Variants in VAPA observed in about 807,000 individuals in gnomAD.
VAPA encodes vesicle-associated membrane protein-associated protein A.
Under a neutral mutation model 25.6 loss-of-function variants are expected in VAPA, and 6 were observed. The observed-to-expected ratio is 0.23, with a 90% CI of 0.13 to 0.46. The LOEUF is 0.46. VAPA is among the 20% of genes least tolerant of loss of function. The pLI is 0.99. For missense variants in VAPA, 244 were observed against 302.1 expected (o/e 0.81, Z 1.43); for synonymous variants, 112 against 106.2 (o/e 1.05, Z -0.34).
intron 2 of VAPA, among the ~76,000 whole-genome samples, chr18:9,935,383 G>A (rs1364794049): frequency 6.6e-6 from 1 of 152,124 alleles, no homozygotes; most frequent in Admixed American, 6.5e-5. Context: ...ACCAGCCTGG[G>A]CAAAATGACG....
chr18:9,944,954 G>A, intron 4 of VAPA: 2 of 1,614,154 alleles, frequency 1.2e-6, no homozygotes, highest in Non-Finnish European at 1.7e-6. Context: ...TGCTCCGACT[G>A]TCACTTCAAT....
Position 9,959,215 on chromosome 18 carries a change from A to C in VAPA, c.*5004A>C, listed in dbSNP as rs1215884858. ...ATAGTTTGTGTCCTGGTCCAAGTCA[A>C]ATATTGACTCCTCACAAACAGTAAG... On this transcript the variant is annotated 3_prime_UTR_variant, in exon 6 of 6. Transcript: ENST00000400000. 3 of 152,170 alleles carry C rather than the reference A, an allele frequency of 2.0e-5. No individual in the cohort carries two copies. Among genetic ancestry groups the C allele is most frequent in the African/African-American group, 7.2e-5 (3 of 41,442 alleles). The allele number at this position is 152,170 out of a possible 1,614,324, so 9.4% of individuals were successfully genotyped here. A position where few individuals can be genotyped will look rare whatever the true frequency, so the allele number is the denominator to read the frequency against.
intron 4 of VAPA, among the ~76,000 whole-genome samples, chr18:9,944,712 C>T (rs1333957223): frequency 6.6e-6 from 1 of 152,182 alleles, no homozygotes; most frequent in African/African-American, 2.4e-5. Context: ...TAGATTATAA[C>T]TAATTTTGTT....
chr18:9,917,384 G>A (rs192976832), intron 1 of VAPA, among the ~76,000 whole-genome samples: 7 of 152,066 alleles, frequency 4.6e-5, no homozygotes, highest in Admixed American at 3.9e-4. Flanking sequence ...TCTGCCTCCC[G>A]GGTTCAAGCA....
Position 9,936,971 on chromosome 18 carries a change from T to A in VAPA, c.337-15T>A. ...ATACCTCCTATGTCTCATGTTTGGT[T>A]TTGTTTATTTTTAGTGGAAAGAGGC... On this transcript the variant is annotated splice_polypyrimidine_tract_variant and intron_variant, in intron 3 of 5. Transcript: ENST00000400000. 9 of 1,611,790 alleles carry A rather than the reference T, an allele frequency of 5.6e-6. No homozygotes were observed. Among genetic ancestry groups the A allele is most frequent in the Non-Finnish European group, 7.6e-6 (9 of 1,178,120 alleles).
chr18:9,930,337 C>G (rs1599103199), intron 1 of VAPA, among the ~76,000 whole-genome samples: 1 of 152,002 alleles, frequency 6.6e-6, no homozygotes, highest in Non-Finnish European at 1.5e-5. Flanking sequence ...ATGTTAAAGT[C>G]CTAGTCAAAA....
At position 9,914,287 on chromosome 18, in the gene VAPA, C is replaced by A; in HGVS notation, c.31C>A (p.His11Asn). Residue 11 changes from histidine to asparagine, a missense_variant, in exon 1 of 6, where the codon CAC (histidine) becomes AAC (asparagine). By Grantham distance (68) the His-to-Asn change is moderately conservative. Transcript: ENST00000400000. MASASGAMAK[H>N]EQILVLDPPT... ...GTCCGCCTCAGGGGCCATGGCGAAG[C>A]ACGAGCAGATCCTGGTCCTCGATCC... 6.3e-7 allele frequency: 1 copy of A among 1,592,212 alleles called. No individual in the cohort carries two copies. The highest frequency in any genetic ancestry group is 2.4e-5 in the East Asian group (1 of 41,494).
chr18:9,926,573 G>C (rs1325581316), intron 1 of VAPA, among the ~76,000 whole-genome samples: 1 of 152,108 alleles, frequency 6.6e-6, no homozygotes, highest in Non-Finnish European at 1.5e-5. Flanking sequence ...TTATATTTGT[G>C]TTGTTTTCCT....
rs1269675910 is a variant in VAPA, at chr18:9,959,306, T to C, written c.*5095T>C. On this transcript the variant is annotated 3_prime_UTR_variant, in exon 6 of 6. Transcript: ENST00000400000. ...AGTACTATTATTTGTGAAATGTCTT[T>C]AAGATTTTTGGTCTTAAATTTTTGA... The C allele has an allele frequency of 6.6e-6, 1 of 152,210 alleles. No homozygotes were observed. The highest frequency in any genetic ancestry group is 1.5e-5 in the Non-Finnish European group (1 of 68,030). 9.4% of individuals were successfully genotyped at this position (152,210 alleles called of 1,614,324 possible).
At chr18:9,944,065 G>A (rs1001629155) in intron 4 of VAPA, among the ~76,000 whole-genome samples, 2 of 151,504 alleles carry the variant, frequency 1.3e-5, no homozygotes, top group African/African-American at 4.8e-5. Context: ...GTTTCACCGT[G>A]GTGTCAATCT....
At position 9,958,741 on chromosome 18, in the gene VAPA, A is replaced by T. The variant is rs1015724129; in HGVS notation, c.*4530A>T. On this transcript the variant is annotated 3_prime_UTR_variant, in exon 6 of 6. Coordinates refer to ENST00000400000, the MANE Select transcript of VAPA (RefSeq NM_194434.3). ...TACTTATTTTTCTTTAAACTGCAGG[A>T]GTCACTGTTAGGTATTGCTTAAAAA... 1 of 152,190 alleles carries T rather than the reference A, an allele frequency of 6.6e-6. No homozygotes were observed. The highest frequency in any genetic ancestry group is 1.5e-5 in the Non-Finnish European group (1 of 68,042). The allele number at this position is 152,190 out of a possible 1,614,324, so 9.4% of individuals were successfully genotyped here.
rs1171060739 is a variant in VAPA at position 9,955,812 on chromosome 18, C to G, written c.*1601C>G. On this transcript the variant is annotated 3_prime_UTR_variant, in exon 6 of 6. Coordinates refer to ENST00000400000, the MANE Select transcript of VAPA (RefSeq NM_194434.3). ...GTGTGCAAAAGTTCCTAAAAGGAAA[C>G]ACAAGTAATGCCTATCCATTACTAG... The G allele has an allele frequency of 6.6e-6, 1 of 152,172 alleles. No individual in the cohort carries two copies. The highest frequency in any genetic ancestry group is 1.5e-5 in the Non-Finnish European group (1 of 68,028). The allele number at this position is 152,172 out of a possible 1,614,324, so 9.4% of individuals were successfully genotyped here.
Position 9,954,376 on chromosome 18 carries a change from C to T in VAPA, c.*165C>T. The stretch of plus-strand genomic sequence containing the variant: ...AATGATCTCTTACGGTTAGAAAACA[C>T]AATAAAAACAAACTGTTCGGCTACT... On this transcript the variant is annotated 3_prime_UTR_variant, in exon 6 of 6. Coordinates refer to ENST00000400000, the MANE Select transcript of VAPA (RefSeq NM_194434.3). The T allele has an allele frequency of 6.6e-6, 4 of 605,950 alleles. No homozygotes were observed. Among genetic ancestry groups the T allele is most frequent in the Non-Finnish European group, 2.8e-6 (1 of 354,672 alleles). 37.5% of individuals were successfully genotyped at this position (605,950 alleles called of 1,614,324 possible).
At chr18:9,930,354 T>TA (rs1399787449) in intron 1 of VAPA, among the ~76,000 whole-genome samples, 2 of 152,166 alleles carry the variant, frequency 1.3e-5, no homozygotes, top group Non-Finnish European at 2.9e-5. Context: ...AAAATAGTCC[T>TA]ATAACATTTT....
Position 9,914,243 on chromosome 18 carries a change from G to T in VAPA, c.-14G>T, listed in dbSNP as rs1165841939. 6.3e-7 allele frequency: 1 copy of T among 1,577,050 alleles called. No individual in the cohort carries two copies. The highest frequency in any genetic ancestry group is 1.4e-5 in the African/African-American group (1 of 70,734). On this transcript the variant is annotated 5_prime_UTR_variant, in exon 1 of 6. Transcript: ENST00000400000. ...GCCGCCGCGGGCGCGCCCCCGCTCT[G>T]CGCTGTCTCTCCGATGGCGTCCGCC...
chr18:9,916,181 A>G (rs1359996023), intron 1 of VAPA, among the ~76,000 whole-genome samples: 1 of 152,204 alleles, frequency 6.6e-6, no homozygotes, highest in Non-Finnish European at 1.5e-5. Context: ...GGGAGTAATA[A>G]TAGTGGAGAA....
Position 9,959,743 on chromosome 18 carries a change from AAAAATG to A in VAPA, c.*5533_*5538del, listed in dbSNP as rs1205854076. On this transcript the variant is annotated 3_prime_UTR_variant, in exon 6 of 6. Transcript: ENST00000400000. ...TTCCAAAAAAAAAAAAAAAAAAAAAAAAAATGTGGAGGGTTGAAATGGTAAGGAATT... is the reference window on the plus strand; with the variant it reads ...TTCCAAAAAAAAAAAAAAAAAAAAAATGGAGGGTTGAAATGGTAAGGAATT... 17 of 150,398 alleles carry A rather than the reference AAAAATG, an allele frequency of 1.1e-4. No homozygotes were observed. Among genetic ancestry groups the A allele is most frequent in the African/African-American group, 4.1e-4 (17 of 41,042 alleles). 9.3% of individuals were successfully genotyped at this position (150,398 alleles called of 1,614,324 possible).
intron 4 of VAPA, among the ~76,000 whole-genome samples, chr18:9,938,894 A>G (rs185989097): frequency 6.6e-6 from 1 of 152,206 alleles, no homozygotes; most frequent in Non-Finnish European, 1.5e-5. Flanking sequence ...AGCTTATTAT[A>G]TATAAATCCT....
At chr18:9,947,112 CA>C (rs1161186139) in intron 4 of VAPA, among the ~76,000 whole-genome samples, 1 of 152,214 alleles carries the variant, frequency 6.6e-6, no homozygotes, top group East Asian at 1.9e-4. Context: ...CCTATGTTAA[CA>C]GTGTCTTCTG....
Sources: allele counts gnomAD v4.1 joint callset (sites outside exome capture counted in the v4.1 genomes callset), GRCh38; gene constraint gnomAD v4.1.1; transcripts MANE v1.5; gene names NCBI Gene and HGNC (gene_info 2026-07-23, HGNC 2026-07-21).